The following CHCHD6 variants were observed in gnomAD, a reference collection of about 807,000 sequenced individuals.
CHCHD6 encodes MICOS complex subunit MIC25.
In CHCHD6, 28 loss-of-function variants were observed where a neutral mutation model predicts 32.3. The ratio of observed to expected loss-of-function variants is 0.87; its 90% CI spans 0.64 to 1.19. The LOEUF (loss-of-function observed/expected upper bound fraction) is 1.19, where lower values mean the gene tolerates loss of function less well. Among genes scored for constraint, CHCHD6 ranks in the 50% most tolerant of loss-of-function variants. The probability of loss-of-function intolerance (pLI) is 0.00; values close to 1 mark genes in which losing one functional copy is unlikely to be tolerated. For synonymous variants in CHCHD6, 122 were observed against 117.5 expected (o/e 1.04, Z -0.25); for missense variants, 333 against 307.0 (o/e 1.08, Z -0.63).
At chr3:126,935,553 C>T (rs1159380272) in intron 6 of CHCHD6, among the ~76,000 whole-genome samples, 1 of 152,218 alleles carries the variant, frequency 6.6e-6, no homozygotes, top group Non-Finnish European at 1.5e-5. Flanking sequence ...GCGTTCTGCA[C>T]TCAGGTTTTG....
chr3:126,795,819 G>T (rs769703285), intron 4 of CHCHD6, among the ~76,000 whole-genome samples: 2 of 152,286 alleles, frequency 1.3e-5, no homozygotes, highest in Non-Finnish European at 2.9e-5. Flanking sequence ...CACCTAGAGA[G>T]AACATTCTTG....
At chr3:126,945,707 TC>T (rs2078627172) in intron 6 of CHCHD6, among the ~76,000 whole-genome samples, 1 of 84,124 alleles carries the variant, frequency 1.2e-5, no homozygotes, top group African/African-American at 5.3e-5. Context: ...GCGGGGAGAC[TC>T]GGGGAGACTC....
At chr3:126,955,022 T>G (rs2078764342) in intron 6 of CHCHD6, among the ~76,000 whole-genome samples, 1 of 152,214 alleles carries the variant, frequency 6.6e-6, no homozygotes, top group East Asian at 1.9e-4. Flanking sequence ...GACTTGAAAG[T>G]GCTCCTAAAA....
intron 6 of CHCHD6, among the ~76,000 whole-genome samples, chr3:126,930,874 G>A (rs961922186): frequency 6.6e-6 from 1 of 152,186 alleles, no homozygotes; most frequent in Non-Finnish European, 1.5e-5. Flanking sequence ...TTTCATCTCT[G>A]TACAGCTCTG....
chr3:126,947,128 C>T (rs986867419), intron 6 of CHCHD6, among the ~76,000 whole-genome samples: 3 of 152,264 alleles, frequency 2.0e-5, no homozygotes, highest in East Asian at 1.9e-4. Context: ...GAGTGCCCGC[C>T]GTCATGGGAA....
intron 1 of CHCHD6, among the ~76,000 whole-genome samples, chr3:126,719,731 G>A (rs1329803522): frequency 6.6e-6 from 1 of 152,202 alleles, no homozygotes; most frequent in African/African-American, 2.4e-5. Flanking sequence ...CTCCCTTTCA[G>A]TGCTGTTGCT....
chr3:126,744,942 T>G (rs1936431695), intron 4 of CHCHD6, among the ~76,000 whole-genome samples: 1 of 152,162 alleles, frequency 6.6e-6, no homozygotes, highest in African/African-American at 2.4e-5. Context: ...TCAGTGCAGC[T>G]CTCCTCGTGG....
At chr3:126,786,177 A>G (rs896500977) in intron 4 of CHCHD6, among the ~76,000 whole-genome samples, 1 of 152,220 alleles carries the variant, frequency 6.6e-6, no homozygotes, top group Non-Finnish European at 1.5e-5. Flanking sequence ...TTATGGCTGC[A>G]TAGTATTCCA....
intron 4 of CHCHD6, among the ~76,000 whole-genome samples, chr3:126,746,402 T>C (rs1161558681): frequency 1.3e-5 from 2 of 152,174 alleles, no homozygotes; most frequent in Non-Finnish European, 2.9e-5. Flanking sequence ...CTGGTGTTTT[T>C]TCTGCTTGTG....
At chr3:126,808,166 G>A (rs1364535679) in intron 4 of CHCHD6, among the ~76,000 whole-genome samples, 1 of 152,158 alleles carries the variant, frequency 6.6e-6, no homozygotes, top group Non-Finnish European at 1.5e-5. Flanking sequence ...TCAGATTGTT[G>A]TCTGAATTCA....
chr3:126,848,148 T>C (rs1941355698), intron 4 of CHCHD6, among the ~76,000 whole-genome samples: 1 of 152,178 alleles, frequency 6.6e-6, no homozygotes, highest in Non-Finnish European at 1.5e-5. Context: ...CTTTTTATTT[T>C]TATTTTTTGT....
In CHCHD6 at chr3:126,887,923, T is replaced by G. The variant is rs184002937; in HGVS notation, c.496-26757T>G. On this transcript the variant is annotated intron_variant, in intron 5 of 7. Coordinates refer to ENST00000290913, the MANE Select transcript of CHCHD6 (RefSeq NM_032343.3). The stretch of plus-strand genomic sequence containing the variant: ...ACACCCACTCTTCTTTTCACTGAGA[T>G]AAGAACTCCACTTTTATCTGGGGTG... Among the ~76,000 whole-genome samples, 235 of 152,334 alleles carry G rather than the reference T, an allele frequency of 1.5e-3. 2 individuals carry two copies. The highest frequency in any genetic ancestry group is 8.2e-4 in the Non-Finnish European group (56 of 68,026).
intron 4 of CHCHD6, among the ~76,000 whole-genome samples, chr3:126,802,040 C>A (rs1576433519): frequency 2.0e-5 from 3 of 152,140 alleles, no homozygotes; most frequent in Non-Finnish European, 1.5e-5. Context: ...ACAGAAAGGA[C>A]ATCCACACCA....
chr3:126,879,898 A>G (rs1559899977), intron 5 of CHCHD6, among the ~76,000 whole-genome samples: 1 of 152,242 alleles, frequency 6.6e-6, no homozygotes, highest in South Asian at 2.1e-4. Flanking sequence ...TGATGAATCT[A>G]GGTGAAATGT....
At chr3:126,892,026 T>TG (rs2077768039) in intron 5 of CHCHD6, among the ~76,000 whole-genome samples, 1 of 152,186 alleles carries the variant, frequency 6.6e-6, no homozygotes, top group Non-Finnish European at 1.5e-5. Context: ...GCAGGGGCCT[T>TG]GGCCCAGGCA....
At chr3:126,762,438 ATTT>A (rs1937197928) in intron 4 of CHCHD6, among the ~76,000 whole-genome samples, 1 of 152,016 alleles carries the variant, frequency 6.6e-6, no homozygotes, top group African/African-American at 2.4e-5. Flanking sequence ...ATATTTGTGA[ATTT>A]TTCAGTTTTC....
chr3:126,787,061 G>C (rs1469766023), intron 4 of CHCHD6, among the ~76,000 whole-genome samples: 1 of 152,174 alleles, frequency 6.6e-6, no homozygotes, highest in Non-Finnish European at 1.5e-5. Flanking sequence ...AGTTTTCCCA[G>C]CACAATTTGT....
Position 126,704,324 on chromosome 3 carries a change from G to T in CHCHD6, c.12G>T (p.Thr4=). MGS[T]ESSEGRRVSF... ...TGCGGCATCTCGCCATGGGGAGCAC[G>T]GAGAGCAGCGAGGGCCGCAGGGTGT... The change falls in exon 1 of 8, where the codon ACG becomes ACT. Residue 4 remains threonine, a synonymous_variant. Transcript: ENST00000290913. 1 of 1,603,848 alleles carries T rather than the reference G, an allele frequency of 6.2e-7. No individual in the cohort carries two copies.
intron 6 of CHCHD6, among the ~76,000 whole-genome samples, chr3:126,955,057 A>C (rs1385917371): frequency 2.6e-5 from 4 of 152,252 alleles, no homozygotes; most frequent in African/African-American, 7.2e-5. Context: ...CTCAGAACCA[A>C]AGCTGTATGT....
Sources: allele counts gnomAD v4.1 joint callset (sites outside exome capture counted in the v4.1 genomes callset), GRCh38; gene constraint gnomAD v4.1.1; transcripts MANE v1.5; gene names NCBI Gene and HGNC (gene_info 2026-07-23, HGNC 2026-07-21).